Variants in VPS4B observed in about 807,000 individuals in gnomAD.
VPS4B encodes vacuolar protein sorting-associated protein 4B.
VPS4B carries 23 observed loss-of-function variants against 56.1 expected under a neutral mutation model. The observed-to-expected ratio is 0.41, with a 90% CI of 0.30 to 0.58. The LOEUF (loss-of-function observed/expected upper bound fraction) is 0.58. Among genes scored for constraint, VPS4B ranks in the 20% least tolerant of loss-of-function variants. The pLI is 0.29. For synonymous variants in VPS4B, 177 were observed against 186.0 expected (o/e 0.95, Z 0.39); for missense variants, 372 against 531.9 (o/e 0.70, Z 2.96).
intron 3 of VPS4B, among the ~76,000 whole-genome samples, 172 bp from the exon 4 acceptor site, chr18:63,407,671 G>T (rs534350840): frequency 6.6e-6 from 1 of 152,150 alleles, no homozygotes; most frequent in Non-Finnish European, 1.5e-5. Flanking sequence ...AAGCAGTCAC[G>T]TTATCATCAA....
chr18:63,410,296 T>A lies in VPS4B; in HGVS notation c.290A>T (p.Glu97Val). Residue 97 changes from glutamate (E) to valine (V), a missense_variant, in exon 3 of 11, where the codon GAG (glutamate) becomes GTG (valine). Around this residue, in one of 3 missense-constraint regions of VPS4B, gnomAD observed 153 missense variants for 190.3 expected, o/e 0.80. Coordinates refer to ENST00000238497, the MANE Select transcript of VPS4B (RefSeq NM_004869.4). ...VKEGQPSPAD[E>V]KGNDSDGEGE... Reference sequence around the variant, plus strand: ...AACAATTTTAAACACGTACCCCTTCTCATCTGCTGGACTCGGCTGTCCTTC... The same window carrying A: ...AACAATTTTAAACACGTACCCCTTCACATCTGCTGGACTCGGCTGTCCTTC... The A allele has an allele frequency of 1.9e-6, 3 of 1,613,522 alleles. No individual in the cohort carries two copies. Among genetic ancestry groups the A allele is most frequent in the Non-Finnish European group, 1.7e-6 (2 of 1,179,926 alleles).
intron 1 of VPS4B, chr18:63,416,245 T>C: frequency 4.7e-6 from 1 of 212,802 alleles, no homozygotes; most frequent in Non-Finnish European, 1.0e-5. Context: ...CCCGGACTAC[T>C]TCCCTTATAC....
At chr18:63,396,559 CAATA>C (rs1915672411) in intron 9 of VPS4B, 1 of 160,106 alleles carries the variant, frequency 6.2e-6, no homozygotes, top group African/African-American at 2.4e-5. Flanking sequence ...CAAAAATGGC[CAATA>C]AATAAACTTT....
Position 63,403,864 on chromosome 18 carries a change from T to A in VPS4B, c.365-38A>T, listed in dbSNP as rs188935004. On this transcript the variant is annotated intron_variant, in intron 4 of 10. Coordinates refer to ENST00000238497, the MANE Select transcript of VPS4B (RefSeq NM_004869.4). ...ACGTTATCTTTAAATTAAGAAAGACTATTTCACCAAAGTTAGAAGACAACA... is the reference window on the plus strand; with the variant it reads ...ACGTTATCTTTAAATTAAGAAAGACAATTTCACCAAAGTTAGAAGACAACA... The A allele has an allele frequency of 3.0e-4, 475 of 1,576,834 alleles. 1 individual carries two copies. In the East Asian group the frequency reaches 8.3e-3, roughly 27 times the overall value.
In VPS4B at chr18:63,397,039, T is replaced by C; in HGVS notation, c.1087A>G (p.Lys363Glu). The change falls in exon 9 of 11, where the codon AAA (lysine) becomes GAA (glutamate). Residue 363 changes from lysine to glutamate, a missense_variant. Lys to Glu is a moderately conservative substitution (Grantham distance 56, BLOSUM62 1). This residue lies in a region of VPS4B where 153 missense variants were observed against 190.9 expected (regional missense o/e 0.80). Coordinates refer to ENST00000238497, the MANE Select transcript of VPS4B (RefSeq NM_004869.4). ...GATAGATAAAAATGACTTACCTTTT[T>C]AAAATGAGTAGCTGACTGTACTTTC... Reference protein sequence around the residue: ...VRKVQSATHFKKVRGPSRADP... With the variant: ...VRKVQSATHFEKVRGPSRADP... 1 of 1,613,776 alleles carries C rather than the reference T, an allele frequency of 6.2e-7. No homozygotes were observed. Among genetic ancestry groups the C allele is most frequent in the Non-Finnish European group, 8.5e-7 (1 of 1,179,906 alleles).
rs1294797323 is a variant in VPS4B at position 63,411,654 on chromosome 18, A to G, written c.28-76T>C. ...ATTTGAAGTAAATAATCATACTGAA[A>G]GTTTTTTTTTTTTTTAAAGCTTCTC... On this transcript the variant is annotated intron_variant, in intron 1 of 10. Transcript: ENST00000238497. The G allele has an allele frequency of 6.0e-6, 6 of 994,440 alleles. No homozygotes were observed. The East Asian group carries it at 1.1e-4, about 18-fold the overall frequency. 61.6% of individuals were successfully genotyped at this position (994,440 alleles called of 1,614,324 possible). A position where few individuals can be genotyped will look rare whatever the true frequency, so the allele number is the denominator to read the frequency against.
rs1233871143 is a variant in VPS4B, at chr18:63,410,407, G to T, written c.179C>A (p.Ala60Glu). The T allele has an allele frequency of 6.8e-6, 11 of 1,613,408 alleles. No individual in the cohort carries two copies. Among genetic ancestry groups the T allele is most frequent in the Non-Finnish European group, 9.3e-6 (11 of 1,180,022 alleles). The part of the protein sequence containing the change: ...QGDKAKQSIR[A>E]KCTEYLDRAE... ...TCTATCAAGATATTCTGTACACTTT[G>T]CCCTGATACTTTGCTTGGCTTTATC... The change falls in exon 3 of 11, where the codon GCA (alanine) becomes GAA (glutamate). Residue 60 changes from alanine to glutamate, a missense_variant. By Grantham distance (107) the Ala-to-Glu change is moderately radical. Transcript: ENST00000238497.
At chr18:63,416,882 G>T (rs1916178408) in intron 1 of VPS4B, among the ~76,000 whole-genome samples, 1 of 152,074 alleles carries the variant, frequency 6.6e-6, no homozygotes. Context: ...TCCCTAATTT[G>T]CTATAGCAAA....
At chr18:63,402,528 C>T (rs1285793787) in intron 5 of VPS4B, among the ~76,000 whole-genome samples, 1 of 152,040 alleles carries the variant, frequency 6.6e-6, no homozygotes, top group Non-Finnish European at 1.5e-5. Context: ...CCAGGGGCTC[C>T]TGTATGTCTC....
chr18:63,411,669 TAAAG>T, intron 1 of VPS4B, 91 bp from the exon 2 acceptor site: 3 of 881,336 alleles, frequency 3.4e-6, no homozygotes, highest in Non-Finnish European at 4.7e-6. Context: ...TTTTTTTTTT[TAAAG>T]CTTCTCAGCT....
chr18:63,409,915 A>G (rs1366448745), intron 3 of VPS4B, among the ~76,000 whole-genome samples: 1 of 152,132 alleles, frequency 6.6e-6, no homozygotes, highest in Non-Finnish European at 1.5e-5. Context: ...TACTATTCCT[A>G]CAAGCATTCT....
At chr18:63,391,137 C>G in intron 10 of VPS4B, 61 bp from the exon 11 acceptor site, 2 of 1,109,004 alleles carry the variant, frequency 1.8e-6, no homozygotes, top group Non-Finnish European at 2.7e-6. Flanking sequence ...AATAAAAAAC[C>G]GTCATATTAT....
intron 4 of VPS4B, among the ~76,000 whole-genome samples, chr18:63,405,592 TTTTA>T (rs1026816590): frequency 9.2e-5 from 14 of 152,298 alleles, no homozygotes; most frequent in Admixed American, 2.0e-4. Context: ...TTTTTTTCTC[TTTTA>T]TTTGTTTGTT....
chr18:63,393,059 G>A (rs766980780), intron 10 of VPS4B, among the ~76,000 whole-genome samples: 2 of 151,886 alleles, frequency 1.3e-5, no homozygotes, highest in African/African-American at 2.4e-5. Flanking sequence ...CTGAGATGCA[G>A]GGGAAAAAAA....
chr18:63,416,108 C>T lies in VPS4B; in HGVS notation c.28-4530G>A, dbSNP rs145334139. Reference sequence around the variant, plus strand: ...CTGGGTATGATATTGTGCAGTGTGTCGCTATCATTTCTTAGCGCCCCCCTG... The same window carrying T: ...CTGGGTATGATATTGTGCAGTGTGTTGCTATCATTTCTTAGCGCCCCCCTG... On this transcript the variant is annotated intron_variant, in intron 1 of 10. Transcript: ENST00000238497. The T allele has an allele frequency of 5.6e-3, 932 of 165,934 alleles. 9 individuals carry two copies. Among genetic ancestry groups the T allele is most frequent in the African/African-American group, 0.021 (896 of 41,974 alleles). 10.3% of individuals were successfully genotyped at this position (165,934 alleles called of 1,614,324 possible). A position where few individuals can be genotyped will look rare whatever the true frequency, so the allele number is the denominator to read the frequency against.
intron 8 of VPS4B, among the ~76,000 whole-genome samples, chr18:63,398,204 C>CACACACACACATATATAT (rs1298374245): frequency 1.8e-5 from 2 of 112,446 alleles, no homozygotes; most frequent in African/African-American, 6.5e-5. Flanking sequence ...CACACACACA[C>CACACACACACATATATAT]ATATATATAT....
At chr18:63,414,297 G>A (rs1916114715) in intron 1 of VPS4B, among the ~76,000 whole-genome samples, 1 of 148,532 alleles carries the variant, frequency 6.7e-6, no homozygotes, top group South Asian at 2.2e-4. Flanking sequence ...TTGAATCCGG[G>A]AGACAGAGGT....
intron 3 of VPS4B, among the ~76,000 whole-genome samples, chr18:63,408,956 C>G (rs975361923): frequency 2.0e-5 from 3 of 152,146 alleles, no homozygotes; most frequent in Non-Finnish European, 4.4e-5. Context: ...TCAGTGACAG[C>G]TGGAGGTCCT....
chr18:63,413,851 C>G (rs1916103084), intron 1 of VPS4B, among the ~76,000 whole-genome samples: 1 of 152,186 alleles, frequency 6.6e-6, no homozygotes, highest in Admixed American at 6.5e-5. Flanking sequence ...GCTGGAAGAC[C>G]ATGCTTCCTC....
Sources: gnomAD v4.1 joint callset for allele counts (sites outside exome capture counted in the v4.1 genomes callset) on GRCh38, gnomAD v4.1.1 for gene constraint, gnomAD v4.1.1 regional missense constraint, MANE v1.5 for transcripts, NCBI Gene and HGNC (gene_info 2026-07-23, HGNC 2026-07-21) for gene names.